Variants in GPC5 observed in about 807,000 individuals in gnomAD.
The protein encoded by GPC5 is glypican 5.
Under a neutral mutation model 53.9 loss-of-function variants are expected in GPC5, and 47 were observed. That is an observed-to-expected ratio of 0.87 (90% CI 0.69 to 1.11). The LOEUF (loss-of-function observed/expected upper bound fraction) is 1.11, where lower values mean the gene tolerates loss of function less well. Ranked by LOEUF, GPC5 falls within the 50% of genes most tolerant of loss-of-function variation. The pLI is 0.00. For synonymous variants in GPC5, 286 were observed against 263.3 expected, an observed-to-expected ratio of 1.09 and a Z score of -0.84; for missense variants, 748 against 713.1, an observed-to-expected ratio of 1.05 and a Z score of -0.56.
At chr13:92,399,237 C>T (rs886613232) in intron 7 of GPC5, among the ~76,000 whole-genome samples, 1 of 152,168 alleles carries the variant, frequency 6.6e-6, no homozygotes, top group African/African-American at 2.4e-5. Flanking sequence ...AGGGTACCTA[C>T]TCTAAAACTC....
intron 7 of GPC5, among the ~76,000 whole-genome samples, chr13:92,251,476 T>C (rs1002203791): frequency 5.9e-5 from 9 of 152,064 alleles, no homozygotes; most frequent in Admixed American, 5.9e-4. Context: ...ACTCTCAATA[T>C]CTCTGGATTA....
At chr13:91,420,392 C>T (rs1396705120) in intron 1 of GPC5, among the ~76,000 whole-genome samples, 3 of 152,116 alleles carry the variant, frequency 2.0e-5, no homozygotes, top group African/African-American at 7.2e-5. Context: ...TTCTTCTGTA[C>T]CCTTGCTTTT....
chr13:91,847,335 T>C (rs2038862635), intron 5 of GPC5, among the ~76,000 whole-genome samples: 1 of 152,124 alleles, frequency 6.6e-6, no homozygotes. Context: ...AATAGGTTTC[T>C]ATATGTATCT....
At chr13:92,117,216 G>C (rs1169533526) in intron 6 of GPC5, among the ~76,000 whole-genome samples, 1 of 152,146 alleles carries the variant, frequency 6.6e-6, no homozygotes, top group African/African-American at 2.4e-5. Context: ...TTGGTATACA[G>C]ATGTCCAATA....
At chr13:92,631,085 C>A (rs148817898) in intron 7 of GPC5, among the ~76,000 whole-genome samples, 1 of 151,984 alleles carries the variant, frequency 6.6e-6, no homozygotes, top group South Asian at 2.1e-4. Context: ...CATATACTAT[C>A]TGTGAGGTTT....
chr13:92,671,911 A>C (rs1017274536), intron 7 of GPC5, among the ~76,000 whole-genome samples: 7 of 152,202 alleles, frequency 4.6e-5, no homozygotes, highest in Admixed American at 1.3e-4. Context: ...GAGAGAAGTT[A>C]AGGGAGAACG....
chr13:92,200,546 C>T (rs117593875), intron 7 of GPC5, among the ~76,000 whole-genome samples: 51 of 152,278 alleles, frequency 3.3e-4, no homozygotes, highest in Non-Finnish European at 6.3e-4. Flanking sequence ...ATTCTCCCTA[C>T]CTCTCATTTT....
At chr13:92,518,033 C>G (rs1359982861) in intron 7 of GPC5, among the ~76,000 whole-genome samples, 1 of 152,130 alleles carries the variant, frequency 6.6e-6, no homozygotes, top group Admixed American at 6.5e-5. Flanking sequence ...GATGAATGCA[C>G]AAGCTTCAGT....
At chr13:92,308,792 T>G (rs552348413) in intron 7 of GPC5, among the ~76,000 whole-genome samples, 1 of 152,254 alleles carries the variant, frequency 6.6e-6, no homozygotes, top group Admixed American at 6.5e-5. Flanking sequence ...AAGTTTCTCT[T>G]TAATAATCCT....
chr13:91,666,778 T>C (rs2035123671), intron 2 of GPC5, among the ~76,000 whole-genome samples: 1 of 152,220 alleles, frequency 6.6e-6, no homozygotes, highest in African/African-American at 2.4e-5. Flanking sequence ...AATGCTACTT[T>C]AGATAAATGC....
intron 7 of GPC5, among the ~76,000 whole-genome samples, chr13:92,363,648 G>A (rs2043586212): frequency 6.6e-6 from 1 of 151,574 alleles, no homozygotes; most frequent in African/African-American, 2.4e-5. Context: ...GGGGTTTGGG[G>A]GACCCATACC....
At position 91,398,934 on chromosome 13, in the gene GPC5, G is replaced by A. The variant is rs148967239; in HGVS notation, c.-113G>A. The A allele has an allele frequency of 4.8e-3, 6,625 of 1,386,404 alleles. 29 individuals carry two copies. The highest frequency in any genetic ancestry group is 5.7e-3 in the Non-Finnish European group (5,906 of 1,045,010). 85.9% of individuals were successfully genotyped at this position (1,386,404 alleles called of 1,614,324 possible). A position where few individuals can be genotyped will look rare whatever the true frequency, so the allele number is the denominator to read the frequency against. On this transcript the variant is annotated 5_prime_UTR_variant, in exon 1 of 8. Transcript: ENST00000377067. ...CGGGCGGTCCGTACACCCCGCAGCC[G>A]GCTCGCACCGCTCGAGAGCCTCGGC...
At chr13:91,828,463 G>A (rs1436348165) in intron 5 of GPC5, among the ~76,000 whole-genome samples, 1 of 151,948 alleles carries the variant, frequency 6.6e-6, no homozygotes, top group Non-Finnish European at 1.5e-5. Context: ...GTACCTCACA[G>A]CAATGTCACG....
chr13:91,728,678 T>C lies in GPC5; in HGVS notation c.1154+13T>C, dbSNP rs189175811. 1.2e-6 allele frequency: 2 copies of C among 1,604,128 alleles called. No individual in the cohort carries two copies. The highest frequency in any genetic ancestry group is 2.2e-5 in the East Asian group (1 of 44,684). ...CCAACAGAAGAAAGTAAGACATTTG[T>C]TTTACAACCAGAAAGAGAAAAGAAA... On this transcript the variant is annotated intron_variant, in intron 4 of 7. Coordinates refer to ENST00000377067, the MANE Select transcript of GPC5 (RefSeq NM_004466.6).
At chr13:91,455,171 A>G (rs905410658) in intron 2 of GPC5, among the ~76,000 whole-genome samples, 2 of 110,414 alleles carry the variant, frequency 1.8e-5, no homozygotes, top group African/African-American at 2.9e-5. Flanking sequence ...TGTTGCAGTG[A>G]ACATTCTTGA....
At chr13:92,246,944 G>A (rs2042655480) in intron 7 of GPC5, among the ~76,000 whole-genome samples, 1 of 152,012 alleles carries the variant, frequency 6.6e-6, no homozygotes, top group East Asian at 1.9e-4. Flanking sequence ...CCATACTCAG[G>A]TATTCTTGTG....
intron 7 of GPC5, among the ~76,000 whole-genome samples, chr13:92,225,949 C>G (rs557981722): frequency 1.7e-3 from 252 of 152,258 alleles, no homozygotes; most frequent in Non-Finnish European, 1.9e-3. Flanking sequence ...TGTGTCCCCA[C>G]CTAAATCTTA....
At chr13:92,304,517 A>T (rs561393042) in intron 7 of GPC5, among the ~76,000 whole-genome samples, 18 of 152,038 alleles carry the variant, frequency 1.2e-4, no homozygotes, top group Middle Eastern at 3.4e-3. Context: ...ATTTACTTTC[A>T]ACTTTTATTG....
At chr13:91,642,209 C>CA (rs2034447241) in intron 2 of GPC5, among the ~76,000 whole-genome samples, 1 of 152,140 alleles carries the variant, frequency 6.6e-6, no homozygotes, top group African/African-American at 2.4e-5. Flanking sequence ...TCAAGGAATG[C>CA]AGGCTCTTAA....
Sources: allele counts gnomAD v4.1 joint callset (sites outside exome capture counted in the v4.1 genomes callset), GRCh38; gene constraint gnomAD v4.1.1; transcripts MANE v1.5; gene names NCBI Gene and HGNC (gene_info 2026-07-23, HGNC 2026-07-21).